The following PBX3 variants were observed in gnomAD, a reference collection of about 807,000 sequenced individuals.
PBX3 encodes PBX homeobox 3, also known as pre-B-cell leukemia transcription factor 3.
PBX3 carries 14 observed loss-of-function variants against 48.5 expected under a neutral mutation model. That is an observed-to-expected ratio of 0.29 (90% CI 0.19 to 0.45). The LOEUF is 0.45. Among genes scored for constraint, PBX3 ranks in the 20% least tolerant of loss-of-function variants. PBX3 has a pLI of 1.00. For synonymous variants in PBX3, 210 were observed against 200.3 expected, an observed-to-expected ratio of 1.05 and a Z score of -0.41; for missense variants, 386 against 546.7, an observed-to-expected ratio of 0.71 and a Z score of 2.93.
At chr9:125,830,364 A>G (rs1185157959) in intron 2 of PBX3, among the ~76,000 whole-genome samples, 3 of 152,194 alleles carry the variant, frequency 2.0e-5, no homozygotes, top group African/African-American at 7.2e-5. Flanking sequence ...GTGTCAGTTA[A>G]ATTTAACTGA....
At chr9:125,841,644 C>T (rs2132230959) in intron 2 of PBX3, among the ~76,000 whole-genome samples, 1 of 152,246 alleles carries the variant, frequency 6.6e-6, no homozygotes, top group South Asian at 2.1e-4. Flanking sequence ...TGGTGTATGA[C>T]TTGTTTTGGT....
chr9:125,837,849 C>G (rs958439002), intron 2 of PBX3, among the ~76,000 whole-genome samples: 1 of 152,158 alleles, frequency 6.6e-6, no homozygotes, highest in African/African-American at 2.4e-5. Flanking sequence ...TTCGGCCTTC[C>G]AAAGTGTTGG....
intron 2 of PBX3, among the ~76,000 whole-genome samples, chr9:125,842,832 G>A (rs939847705): frequency 7.2e-5 from 11 of 151,936 alleles, no homozygotes; most frequent in African/African-American, 2.7e-4. Context: ...TTGTTTACTT[G>A]TTTTACTTAC....
chr9:125,790,918 T>A (rs1333255043), intron 2 of PBX3, among the ~76,000 whole-genome samples: 1 of 151,018 alleles, frequency 6.6e-6, no homozygotes, highest in East Asian at 1.9e-4. Context: ...CCCTAATATT[T>A]TTTTTTTTTT....
intron 2 of PBX3, among the ~76,000 whole-genome samples, chr9:125,902,824 T>C (rs1348874668): frequency 6.6e-6 from 1 of 151,784 alleles, no homozygotes; most frequent in Non-Finnish European, 1.5e-5. Context: ...GCTTGTTCTA[T>C]GATGCAGCAT....
At chr9:125,894,943 A>G (rs1257844692) in intron 2 of PBX3, among the ~76,000 whole-genome samples, 3 of 152,124 alleles carry the variant, frequency 2.0e-5, no homozygotes. Context: ...TGCAGTATAC[A>G]AGGGTAGTAA....
intron 2 of PBX3, among the ~76,000 whole-genome samples, chr9:125,805,139 A>G (rs1267219785): frequency 6.6e-6 from 1 of 152,012 alleles, no homozygotes; most frequent in African/African-American, 2.4e-5. Context: ...GTATCATTTC[A>G]CTGAGACTGG....
intron 5 of PBX3, among the ~76,000 whole-genome samples, chr9:125,950,310 A>C (rs1218975207): frequency 2.6e-5 from 4 of 152,212 alleles, no homozygotes; most frequent in Non-Finnish European, 5.9e-5. Context: ...CATTATGGCA[A>C]TAAAATTTTT....
intron 2 of PBX3, among the ~76,000 whole-genome samples, chr9:125,882,571 A>T (rs1229525571): frequency 6.6e-6 from 1 of 152,244 alleles, no homozygotes; most frequent in Non-Finnish European, 1.5e-5. Context: ...TACAGAAATC[A>T]TGCATACTTC....
At chr9:125,770,835 T>G (rs1196756732) in intron 2 of PBX3, among the ~76,000 whole-genome samples, 5 of 152,342 alleles carry the variant, frequency 3.3e-5, no homozygotes, top group Admixed American at 3.3e-4. Flanking sequence ...GGCAAATCTT[T>G]CACAGTTGTG....
chr9:125,917,662 TTTCTAATA>T (rs2132473958), intron 3 of PBX3, among the ~76,000 whole-genome samples: 1 of 152,324 alleles, frequency 6.6e-6, no homozygotes, highest in East Asian at 1.9e-4. Context: ...CACATTGCCT[TTTCTAATA>T]TTCTGGATAC....
intron 2 of PBX3, among the ~76,000 whole-genome samples, chr9:125,777,362 C>T (rs1306405229): frequency 7.1e-6 from 1 of 140,118 alleles, no homozygotes; most frequent in Non-Finnish European, 1.6e-5. Context: ...TCTTCTTCTT[C>T]TTTTTTTTTT....
At chr9:125,837,122 C>G (rs1839160001) in intron 2 of PBX3, among the ~76,000 whole-genome samples, 1 of 152,074 alleles carries the variant, frequency 6.6e-6, no homozygotes, top group African/African-American at 2.4e-5. Context: ...TGGAAACCAC[C>G]TAAATGTTTA....
chr9:125,841,240 A>G (rs1289973917), intron 2 of PBX3, among the ~76,000 whole-genome samples: 2 of 152,214 alleles, frequency 1.3e-5, no homozygotes, highest in Non-Finnish European at 2.9e-5. Context: ...AAAAAGCCTT[A>G]GATCTTAAAC....
At chr9:125,895,184 A>G (rs893593345) in intron 2 of PBX3, among the ~76,000 whole-genome samples, 7 of 152,102 alleles carry the variant, frequency 4.6e-5, no homozygotes, top group African/African-American at 1.7e-4. Flanking sequence ...TTTGGGGCTT[A>G]CAGATTTGTG....
At chr9:125,901,752 C>G (rs1018409883) in intron 2 of PBX3, among the ~76,000 whole-genome samples, 4 of 151,708 alleles carry the variant, frequency 2.6e-5, no homozygotes, top group African/African-American at 4.8e-5. Flanking sequence ...CAACAAACAA[C>G]AACAGCAACA....
intron 5 of PBX3, among the ~76,000 whole-genome samples, chr9:125,949,727 A>G (rs1842147109): frequency 6.6e-6 from 1 of 152,246 alleles, no homozygotes; most frequent in Non-Finnish European, 1.5e-5. Flanking sequence ...GGTTGAATAA[A>G]TAAGCGTTTC....
Position 125,754,920 on chromosome 9 carries a change from C to CT in PBX3, c.274+6300dup, listed in dbSNP as rs544618069. Among the ~76,000 whole-genome samples the CT allele has an allele frequency of 2.4e-4, 37 of 152,152 alleles. No individual in the cohort carries two copies. The South Asian group carries it at 7.5e-3, about 31-fold the overall frequency. ...AATAATTGTTAAAAGTTTTCTACTT[C>CT]TTTCAACTTAAGTGCTTTAAAAATG... On this transcript the variant is annotated intron_variant, in intron 2 of 8. Coordinates refer to ENST00000373489, the MANE Select transcript of PBX3 (RefSeq NM_006195.6).
intron 2 of PBX3, among the ~76,000 whole-genome samples, chr9:125,857,683 A>G (rs1322241831): frequency 6.6e-6 from 1 of 152,218 alleles, no homozygotes; most frequent in African/African-American, 2.4e-5. Flanking sequence ...TACATGTGAA[A>G]TTACTAGCTA....
Sources: allele counts gnomAD v4.1 joint callset (sites outside exome capture counted in the v4.1 genomes callset), GRCh38; gene constraint gnomAD v4.1.1; transcripts MANE v1.5; gene names NCBI Gene and HGNC (gene_info 2026-07-23, HGNC 2026-07-21).